FAF1: variants seen among roughly 807,000 people sequenced by gnomAD.
The protein encoded by FAF1 is FAS-associated factor 1.
Under a neutral mutation model 92.5 loss-of-function variants are expected in FAF1, and 25 were observed. The ratio of observed to expected loss-of-function variants is 0.27; its 90% CI spans 0.20 to 0.38. The LOEUF (loss-of-function observed/expected upper bound fraction) is 0.38, where lower values mean the gene tolerates loss of function less well. Among genes scored for constraint, FAF1 ranks in the 10% least tolerant of loss-of-function variants. The probability of loss-of-function intolerance (pLI) is 1.00; values close to 1 mark genes in which losing one functional copy is unlikely to be tolerated. For synonymous variants in FAF1, 234 were observed against 273.2 expected (o/e 0.86, Z 1.42); for missense variants, 636 against 793.3 (o/e 0.80, Z 2.38).
chr1:50,551,171 G>C (rs567754655), intron 13 of FAF1, among the ~76,000 whole-genome samples: 6 of 151,964 alleles, frequency 3.9e-5, no homozygotes, highest in Admixed American at 1.3e-4. Flanking sequence ...ATTACGTATA[G>C]CTATTATGTC....
rs954756367 is a variant in FAF1 at position 50,511,048 on chromosome 1, G to C, written c.1495-19247C>G. Among the ~76,000 whole-genome samples the C allele has an allele frequency of 3.9e-5, 6 of 152,150 alleles. No homozygotes were observed. The South Asian group carries it at 1.2e-3, about 32-fold the overall frequency. ...CTTGTCTTCCTAGATTATACATTGA[G>C]TAATAAGCTCATCAAATGGGAAAAA... On this transcript the variant is annotated intron_variant, in intron 15 of 18. Transcript: ENST00000396153.
Position 50,569,587 on chromosome 1 carries a change from C to T in FAF1, c.1114-2356G>A, listed in dbSNP as rs543081759. Among the ~76,000 whole-genome samples, 7 of 152,240 alleles carry T rather than the reference C, an allele frequency of 4.6e-5. No homozygotes were observed. In the South Asian group the frequency reaches 1.4e-3, roughly 32 times the overall value. On this transcript the variant is annotated intron_variant, in intron 12 of 18. Coordinates refer to ENST00000396153, the MANE Select transcript of FAF1 (RefSeq NM_007051.3). Reference sequence around the variant, plus strand: ...ATGTCAACCCCTAATTCAGCTTGATCGTATCTCAGCAACTACATTTAATGA... The same window carrying T: ...ATGTCAACCCCTAATTCAGCTTGATTGTATCTCAGCAACTACATTTAATGA...
chr1:50,764,516 G>A (rs544007756), intron 4 of FAF1, among the ~76,000 whole-genome samples: 28 of 152,254 alleles, frequency 1.8e-4, no homozygotes, highest in Non-Finnish European at 2.9e-4. Context: ...CTGCAGGACC[G>A]TTGGGCTCTG....
At chr1:50,653,269 C>G (rs528148909) in intron 8 of FAF1, among the ~76,000 whole-genome samples, 4 of 152,116 alleles carry the variant, frequency 2.6e-5, no homozygotes, top group African/African-American at 9.6e-5. Context: ...AACATCAATG[C>G]TAAAATCAGT....
intron 15 of FAF1, among the ~76,000 whole-genome samples, chr1:50,492,320 G>A (rs567283889): frequency 6.6e-6 from 1 of 152,050 alleles, no homozygotes; most frequent in East Asian, 1.9e-4. Context: ...AAATACTCTG[G>A]TTAACCTCAT....
At chr1:50,670,116 C>T (rs1224438170) in intron 7 of FAF1, among the ~76,000 whole-genome samples, 3 of 139,602 alleles carry the variant, frequency 2.1e-5, no homozygotes, top group East Asian at 4.1e-4. Flanking sequence ...AGCAAAACTC[C>T]GTCTCAAAAA....
intron 3 of FAF1, among the ~76,000 whole-genome samples, chr1:50,799,506 A>T (rs1661892701): frequency 6.9e-6 from 1 of 145,512 alleles, no homozygotes; most frequent in Non-Finnish European, 1.5e-5. Context: ...TCTTTCTCTT[A>T]AAAAAAAAAA....
intron 1 of FAF1, among the ~76,000 whole-genome samples, chr1:50,954,321 T>G (rs149338408): frequency 6.6e-6 from 1 of 152,138 alleles, no homozygotes; most frequent in East Asian, 1.9e-4. Flanking sequence ...CTTTCTTCAC[T>G]TGAGTACAGC....
chr1:50,754,982 C>T (rs896209891), intron 4 of FAF1, among the ~76,000 whole-genome samples: 2 of 152,136 alleles, frequency 1.3e-5, no homozygotes, highest in African/African-American at 4.8e-5. Context: ...GTCCCTCCCA[C>T]AACACGTGGG....
chr1:50,900,980 C>A (rs1644791977), intron 1 of FAF1, among the ~76,000 whole-genome samples: 1 of 151,562 alleles, frequency 6.6e-6, no homozygotes, highest in African/African-American at 2.4e-5. Context: ...TCCCCAGGTA[C>A]TGTTACAATT....
At chr1:50,637,736 T>C (rs969711993) in intron 8 of FAF1, among the ~76,000 whole-genome samples, 2 of 151,336 alleles carry the variant, frequency 1.3e-5, no homozygotes, top group African/African-American at 4.9e-5. Context: ...TGTGTATACA[T>C]ATATACACAT....
At chr1:50,934,921 T>A (rs1307946010) in intron 1 of FAF1, among the ~76,000 whole-genome samples, 2 of 152,184 alleles carry the variant, frequency 1.3e-5, no homozygotes, top group Non-Finnish European at 2.9e-5. Flanking sequence ...TGAATGTTTT[T>A]CCCCCTCCTC....
At chr1:50,515,323 A>T (rs1336392820) in intron 15 of FAF1, among the ~76,000 whole-genome samples, 1 of 152,144 alleles carries the variant, frequency 6.6e-6, no homozygotes, top group Non-Finnish European at 1.5e-5. Context: ...TATATCTCAT[A>T]AGGAACTGAA....
chr1:50,822,425 AG>A (rs1644051353), intron 2 of FAF1, among the ~76,000 whole-genome samples: 1 of 152,244 alleles, frequency 6.6e-6, no homozygotes, highest in Non-Finnish European at 1.5e-5. Flanking sequence ...CTACAGGGCT[AG>A]GAACAAAAGG....
intron 8 of FAF1, among the ~76,000 whole-genome samples, chr1:50,596,931 A>G (rs538559131): frequency 6.6e-6 from 1 of 152,348 alleles, no homozygotes; most frequent in East Asian, 1.9e-4. Context: ...CTGTCTTTAA[A>G]AGATACTTTG....
At chr1:50,506,618 T>C (rs535044155) in intron 15 of FAF1, among the ~76,000 whole-genome samples, 2 of 152,172 alleles carry the variant, frequency 1.3e-5, no homozygotes, top group Non-Finnish European at 1.5e-5. Flanking sequence ...CTCACTAGAC[T>C]GTGAGTACTT....
Position 50,438,650 on chromosome 1 carries a change from G to T in FAF1, c.*2790C>A, listed in dbSNP as rs911910327. 6.6e-5 allele frequency: 10 copies of T among 152,276 alleles called. No homozygotes were observed. Among genetic ancestry groups the T allele is most frequent in the Admixed American group, 3.9e-4 (6 of 15,302 alleles). The allele number at this position is 152,276 out of a possible 1,614,324, so 9.4% of individuals were successfully genotyped here. A position where few individuals can be genotyped will look rare whatever the true frequency, so the allele number is the denominator to read the frequency against. ...CCCTCTCCCACATTCAAATGAAAAAGTCTATACTTTGGGGGAAATTTGCCA... is the reference window on the plus strand; with the variant it reads ...CCCTCTCCCACATTCAAATGAAAAATTCTATACTTTGGGGGAAATTTGCCA... On this transcript the variant is annotated 3_prime_UTR_variant, in exon 19 of 19. Transcript: ENST00000396153.
At position 50,584,813 on chromosome 1, in the gene FAF1, T is replaced by C; in HGVS notation, c.841-2A>G. ...AACCATATGAACATCGGTGATTTGC[T>C]ATTTAAGGAAAGTCCTGATTAGTTT... is the stretch of plus-strand genomic sequence containing the variant. On this transcript the variant is annotated splice_acceptor_variant, in intron 9 of 18. Transcript: ENST00000396153. LOFTEE classifies it high-confidence loss of function. 1 of 1,612,672 alleles carries C rather than the reference T, an allele frequency of 6.2e-7. No individual in the cohort carries two copies. The highest frequency in any genetic ancestry group is 1.1e-5 in the South Asian group (1 of 90,866).
intron 6 of FAF1, among the ~76,000 whole-genome samples, chr1:50,729,052 ATATATAT>A (rs1242887347): frequency 3.1e-4 from 30 of 97,920 alleles, no homozygotes; most frequent in African/African-American, 1.2e-3. Flanking sequence ...ATATATATAT[ATATATAT>A]TTTTTTTTTT....
Sources: gnomAD v4.1 joint callset for allele counts (sites outside exome capture counted in the v4.1 genomes callset) on GRCh38, gnomAD v4.1.1 for gene constraint, MANE v1.5 for transcripts, NCBI Gene and HGNC (gene_info 2026-07-23, HGNC 2026-07-21) for gene names.